LRRC4C: variants seen among roughly 807,000 people sequenced by gnomAD.
The protein encoded by LRRC4C is leucine-rich repeat-containing protein 4C.
In LRRC4C, 5 loss-of-function variants were observed where a neutral mutation model predicts 33.6. That is an observed-to-expected ratio of 0.15 (90% CI 0.08 to 0.31). The LOEUF (loss-of-function observed/expected upper bound fraction) is 0.31. LRRC4C is among the 10% of genes least tolerant of loss of function. The pLI is 1.00. For synonymous variants in LRRC4C, 329 were observed against 302.0 expected, an observed-to-expected ratio of 1.09 and a Z score of -0.93; for missense variants, 560 against 796.7, an observed-to-expected ratio of 0.70 and a Z score of 3.58.
chr11:40,909,129 A>AGGGTAG lies in LRRC4C; in HGVS notation c.-407+24500_-407+24505dup, dbSNP rs1340322186. 1.2e-3 allele frequency among the ~76,000 whole-genome samples: 177 copies of AGGGTAG among 152,154 alleles called. 1 individual carries two copies. Among genetic ancestry groups the AGGGTAG allele is most frequent in the Non-Finnish European group, 1.2e-4 (8 of 67,972 alleles). On this transcript the variant is annotated intron_variant, in intron 2 of 6. Transcript: ENST00000528697. Reference sequence around the variant, plus strand: ...CTGTAACATCCCCATTGAAGCTTTGAGGGTAGGGGTTGGAAATAATTATCT... The same window carrying AGGGTAG: ...CTGTAACATCCCCATTGAAGCTTTGAGGGTAGGGGTAGGGGTTGGAAATAATTATCT...
At chr11:40,354,748 G>T (rs1274275879) in intron 3 of LRRC4C, among the ~76,000 whole-genome samples, 1 of 152,038 alleles carries the variant, frequency 6.6e-6, no homozygotes, top group Admixed American at 6.6e-5. Context: ...CTTCCCTGTG[G>T]CCCCGAGTGG....
Position 40,572,571 on chromosome 11 carries a change from C to G in LRRC4C, c.-270+75571G>C, listed in dbSNP as rs541573795. Among the ~76,000 whole-genome samples the G allele has an allele frequency of 1.1e-4, 16 of 152,282 alleles. No homozygotes were observed. In the South Asian group the frequency reaches 1.5e-3, roughly 14 times the overall value. On this transcript the variant is annotated intron_variant, in intron 3 of 6. Transcript: ENST00000528697. ...CTGAAAAAGGAAGGACAGACCTAGT[C>G]ATAATACAGGAGCACATGTATCAGA...
intron 1 of LRRC4C, among the ~76,000 whole-genome samples, chr11:40,985,879 C>T (rs1852952392): frequency 6.6e-6 from 1 of 152,032 alleles, no homozygotes. Context: ...AACTTGAAAA[C>T]TGTGCTGTTG....
chr11:40,563,621 C>T (rs111385865), intron 3 of LRRC4C, among the ~76,000 whole-genome samples: 3,491 of 152,210 alleles, frequency 0.023, 52 homozygotes, highest in Non-Finnish European at 0.035. Context: ...AGTACATGGG[C>T]TAATAGTTGG....
At chr11:40,857,971 G>GAAAGGA (rs1953874698) in intron 2 of LRRC4C, among the ~76,000 whole-genome samples, 1 of 74,170 alleles carries the variant, frequency 1.3e-5, no homozygotes. Flanking sequence ...AAGGGAAAGG[G>GAAAGGA]AAAGGGAAAG....
intron 1 of LRRC4C, among the ~76,000 whole-genome samples, chr11:41,118,687 G>A (rs1239675858): frequency 6.6e-6 from 1 of 152,038 alleles, no homozygotes; most frequent in African/African-American, 2.4e-5. Flanking sequence ...ATTCTTCTAT[G>A]TCTTCCACAT....
intron 1 of LRRC4C, among the ~76,000 whole-genome samples, chr11:41,296,264 T>C (rs1034179030): frequency 6.6e-6 from 1 of 152,164 alleles, no homozygotes; most frequent in African/African-American, 2.4e-5. Flanking sequence ...TCTGAGTCCC[T>C]GTTTCTTTTA....
chr11:41,318,690 T>C (rs1950866723), intron 1 of LRRC4C, among the ~76,000 whole-genome samples: 1 of 152,228 alleles, frequency 6.6e-6, no homozygotes, highest in Non-Finnish European at 1.5e-5. Context: ...CTTTTTGTAA[T>C]AAGCTCTTTC....
At position 40,485,069 on chromosome 11, in the gene LRRC4C, C is replaced by G. The variant is rs149852566; in HGVS notation, c.-270+163073G>C. Among the ~76,000 whole-genome samples the G allele has an allele frequency of 1.2e-4, 18 of 152,036 alleles. No individual in the cohort carries two copies. In the East Asian group the frequency reaches 3.3e-3, roughly 28 times the overall value. On this transcript the variant is annotated intron_variant, in intron 3 of 6. Transcript: ENST00000528697. ...CTAAGTGGGAAAATTAGAAGGTGAA[C>G]CTGGGAATTTTTACTGTGTCTGATA... is the stretch of plus-strand genomic sequence containing the variant.
chr11:40,149,162 G>T (rs1309625490), intron 5 of LRRC4C, among the ~76,000 whole-genome samples: 1 of 151,996 alleles, frequency 6.6e-6, no homozygotes, highest in Non-Finnish European at 1.5e-5. Context: ...GCTTTTTGTG[G>T]GTGTTAAGGG....
At chr11:41,295,502 G>A (rs979810217) in intron 1 of LRRC4C, among the ~76,000 whole-genome samples, 1 of 152,084 alleles carries the variant, frequency 6.6e-6, no homozygotes, top group Non-Finnish European at 1.5e-5. Flanking sequence ...CCCCAGTTCA[G>A]GAAACTGCTT....
In LRRC4C at chr11:41,389,358, T is replaced by G. The variant is rs555865576; in HGVS notation, c.-496+70073A>C. ...GAGTCCCTGATTCTGATTCTGAGAC[T>G]GCATAATTTATATCATGGTTGTGTC... On this transcript the variant is annotated intron_variant, in intron 1 of 6. Coordinates refer to ENST00000528697, the MANE Select transcript of LRRC4C (RefSeq NM_001258419.2). Among the ~76,000 whole-genome samples, 21 of 151,880 alleles carry G rather than the reference T, an allele frequency of 1.4e-4. No homozygotes were observed. The South Asian group carries it at 4.4e-3, about 31-fold the overall frequency.
At chr11:41,237,922 C>T (rs1167347207) in intron 1 of LRRC4C, among the ~76,000 whole-genome samples, 1 of 152,062 alleles carries the variant, frequency 6.6e-6, no homozygotes, top group Non-Finnish European at 1.5e-5. Context: ...AATATCTTTT[C>T]AAGACTTTTA....
At chr11:40,649,271 C>T (rs1009943658) in intron 2 of LRRC4C, among the ~76,000 whole-genome samples, 1 of 152,176 alleles carries the variant, frequency 6.6e-6, no homozygotes, top group Non-Finnish European at 1.5e-5. Flanking sequence ...ATCTCAACCA[C>T]ATAAGACAGA....
At chr11:40,428,661 T>C (rs182386573) in intron 3 of LRRC4C, among the ~76,000 whole-genome samples, 1 of 152,332 alleles carries the variant, frequency 6.6e-6, no homozygotes, top group African/African-American at 2.4e-5. Flanking sequence ...AACTAGCAAG[T>C]TGCTTGAATA....
At chr11:40,503,237 C>G (rs1442321162) in intron 3 of LRRC4C, among the ~76,000 whole-genome samples, 2 of 152,148 alleles carry the variant, frequency 1.3e-5, no homozygotes, top group Non-Finnish European at 2.9e-5. Flanking sequence ...CCTACAGACC[C>G]CAGGACAGAA....
chr11:40,356,255 A>G (rs1947666018), intron 3 of LRRC4C, among the ~76,000 whole-genome samples: 1 of 152,148 alleles, frequency 6.6e-6, no homozygotes. Context: ...ATTCTTGAAT[A>G]TTTAATAATT....
At chr11:40,279,432 T>C (rs1383439118) in intron 4 of LRRC4C, among the ~76,000 whole-genome samples, 1 of 152,206 alleles carries the variant, frequency 6.6e-6, no homozygotes, top group African/African-American at 2.4e-5. Context: ...ATGCCATATT[T>C]CCATTTTTAT....
Position 40,399,142 on chromosome 11 carries a change from GTCCATAGAAA to G in LRRC4C, c.-269-79431_-269-79422del, listed in dbSNP as rs1258367581. Among the ~76,000 whole-genome samples, 10 of 152,144 alleles carry G rather than the reference GTCCATAGAAA, an allele frequency of 6.6e-5. No individual in the cohort carries two copies. The South Asian group carries it at 2.1e-3, about 32-fold the overall frequency. On this transcript the variant is annotated intron_variant, in intron 3 of 6. Coordinates refer to ENST00000528697, the MANE Select transcript of LRRC4C (RefSeq NM_001258419.2). The stretch of plus-strand genomic sequence containing the variant: ...AGAAGAGTTAGAAAGAACCAATAGT[GTCCATAGAAA>G]TACCATCTGACCCAGCCATCCCATT...
Sources: allele counts gnomAD v4.1 joint callset (sites outside exome capture counted in the v4.1 genomes callset), GRCh38; gene constraint gnomAD v4.1.1; transcripts MANE v1.5; gene names NCBI Gene and HGNC (gene_info 2026-07-23, HGNC 2026-07-21).